Variants in EPS15L1 observed in about 807,000 individuals in gnomAD.
The protein encoded by EPS15L1 is epidermal growth factor receptor substrate 15-like 1.
Under a neutral mutation model 117.1 loss-of-function variants are expected in EPS15L1, and 43 were observed. That is an observed-to-expected ratio of 0.37 (90% CI 0.29 to 0.47). The LOEUF is 0.47. Ranked by LOEUF, EPS15L1 falls within the 20% of genes least tolerant of loss-of-function variation. The pLI is 0.99. For synonymous variants in EPS15L1, 459 were observed against 470.5 expected (o/e 0.98, Z 0.32); for missense variants, 981 against 1,164.0 (o/e 0.84, Z 2.29).
intron 22 of EPS15L1, among the ~76,000 whole-genome samples, chr19:16,367,445 T>G (rs1170911497): frequency 7.3e-6 from 1 of 137,094 alleles, no homozygotes; most frequent in Non-Finnish European, 1.5e-5. Context: ...CACACAGGAC[T>G]GACTTTAGCA....
intron 19 of EPS15L1, among the ~76,000 whole-genome samples, chr19:16,387,733 T>C (rs1315787741): frequency 6.6e-6 from 1 of 152,094 alleles, no homozygotes; most frequent in African/African-American, 2.4e-5. Context: ...GCCACTGCAC[T>C]CCAGCCTGGG....
At chr19:16,374,414 T>C (rs1010472955) in intron 22 of EPS15L1, among the ~76,000 whole-genome samples, 10 of 152,264 alleles carry the variant, frequency 6.6e-5, no homozygotes, top group Admixed American at 2.0e-4. Flanking sequence ...GGGTCTCAAA[T>C]TGTGCAACAG....
At chr19:16,444,762 T>C (rs1473999875) in intron 1 of EPS15L1, among the ~76,000 whole-genome samples, 1 of 151,548 alleles carries the variant, frequency 6.6e-6, no homozygotes, top group African/African-American at 2.4e-5. Flanking sequence ...GGTCTTGTTC[T>C]GTCACCCAAG....
intron 1 of EPS15L1, among the ~76,000 whole-genome samples, chr19:16,442,809 G>A (rs1297012445): frequency 6.6e-6 from 1 of 152,184 alleles, no homozygotes; most frequent in Non-Finnish European, 1.5e-5. Flanking sequence ...TCCTCAGCTT[G>A]GCACTGAAGA....
In EPS15L1 at chr19:16,471,686, C is replaced by T. The variant is rs2093347591; in HGVS notation, c.33+227G>A. Among the ~76,000 whole-genome samples the T allele has an allele frequency of 6.6e-6, 1 of 152,000 alleles. No homozygotes were observed. The highest frequency in any genetic ancestry group is 2.4e-5 in the African/African-American group (1 of 41,438). ...CCCTGGGCGGAGAGGACACGCGCTG[C>T]GCACCTCCTCGCCTCGCCGGTGCCC... On this transcript the variant is annotated intron_variant, in intron 1 of 23. Transcript: ENST00000455140. This position sits in a 1 kb window ranked among gnomAD's most constrained non-coding sequence, Gnocchi z 4.8.
chr19:16,433,411 C>T (rs534483953), intron 7 of EPS15L1, among the ~76,000 whole-genome samples: 3 of 152,092 alleles, frequency 2.0e-5, no homozygotes, highest in Non-Finnish European at 2.9e-5. Context: ...GGATTACGGG[C>T]GTGAGCCACC....
In EPS15L1 at chr19:16,381,270, G is replaced by A. The variant is rs553352191; in HGVS notation, c.2247+3859C>T. On this transcript the variant is annotated intron_variant, in intron 21 of 23. Coordinates refer to ENST00000455140, the MANE Select transcript of EPS15L1 (RefSeq NM_001258374.3). This position sits in a 1 kb window ranked among gnomAD's most constrained non-coding sequence, Gnocchi z 4.2. The stretch of plus-strand genomic sequence containing the variant: ...GGAAACTGAGGCACACAAAGGAGGC[G>A]CAGCCTGCCCACATCACACAGCAGG... 3.9e-4 allele frequency among the ~76,000 whole-genome samples: 59 copies of A among 152,350 alleles called. No homozygotes were observed. In the South Asian group the frequency reaches 3.9e-3, roughly 10 times the overall value.
At chr19:16,400,347 A>C (rs1190661680) in intron 16 of EPS15L1, among the ~76,000 whole-genome samples, 2 of 151,406 alleles carry the variant, frequency 1.3e-5, no homozygotes, top group African/African-American at 2.4e-5. Flanking sequence ...AAAAAAAAAA[A>C]AACAAAAACA....
intron 23 of EPS15L1, chr19:16,358,228 C>G (rs2092008041): frequency 6.5e-6 from 1 of 152,780 alleles, no homozygotes; most frequent in Non-Finnish European, 1.5e-5. Context: ...GTTCCTGGTG[C>G]CTTCAGAGTC....
intron 8 of EPS15L1, among the ~76,000 whole-genome samples, chr19:16,426,650 A>G (rs759560843): frequency 1.3e-5 from 2 of 152,236 alleles, no homozygotes; most frequent in East Asian, 1.9e-4. Context: ...AAAACAGAAC[A>G]ACGACAACAA....
chr19:16,416,375 C>T (rs970260036), intron 12 of EPS15L1, among the ~76,000 whole-genome samples: 2 of 152,116 alleles, frequency 1.3e-5, no homozygotes, highest in Admixed American at 6.5e-5. Flanking sequence ...GTGGCTCACG[C>T]CTGTAATCCC....
intron 23 of EPS15L1, among the ~76,000 whole-genome samples, chr19:16,359,863 A>C (rs553802344): frequency 6.6e-6 from 1 of 151,940 alleles, no homozygotes; most frequent in East Asian, 1.9e-4. Flanking sequence ...ACTCATCTCC[A>C]AATATGTAAA....
At chr19:16,402,234 C>A (rs971762392) in intron 16 of EPS15L1, 87 bp downstream of exon 16, 29 of 1,499,398 alleles carry the variant, frequency 1.9e-5, no homozygotes, top group Non-Finnish European at 2.6e-5. Context: ...CCAACGTTGG[C>A]CATGAACAGA....
chr19:16,466,844 A>G (rs1466124922), intron 1 of EPS15L1, among the ~76,000 whole-genome samples: 3 of 151,698 alleles, frequency 2.0e-5, no homozygotes, highest in African/African-American at 7.3e-5. Flanking sequence ...CAGAGGTTGC[A>G]GTGAGCCAAG....
chr19:16,400,646 G>A (rs1568418963), intron 16 of EPS15L1: 1 of 985,198 alleles, frequency 1.0e-6, no homozygotes, highest in Non-Finnish European at 1.2e-6. Flanking sequence ...TTTAAAAACT[G>A]TATTTGTACA....
intron 9 of EPS15L1, 30 bp downstream of exon 9, chr19:16,425,028 GAGAAACATCCTACTGTGCTCTGAGA>G: frequency 6.9e-7 from 1 of 1,445,466 alleles, no homozygotes; most frequent in Non-Finnish European, 9.7e-7. Context: ...AAGAACTCCC[GAGAAACATCCTACTGTGCTCTGAGA>G]GGGGGCTGTG....
chr19:16,383,152 T>C lies in EPS15L1; in HGVS notation c.2247+1977A>G, dbSNP rs917270402. On this transcript the variant is annotated intron_variant, in intron 21 of 23. Coordinates refer to ENST00000455140, the MANE Select transcript of EPS15L1 (RefSeq NM_001258374.3). This position sits in a 1 kb window ranked among gnomAD's most constrained non-coding sequence, Gnocchi z 5.2. ...ATGGAACGCTGGAATCAAAACAAGATAGTATTGGAGACCCATTTTCCACAG... is the reference window on the plus strand; with the variant it reads ...ATGGAACGCTGGAATCAAAACAAGACAGTATTGGAGACCCATTTTCCACAG... 2.0e-5 allele frequency: 3 copies of C among 152,008 alleles called. No individual in the cohort carries two copies. Among genetic ancestry groups the C allele is most frequent in the African/African-American group, 4.8e-5 (2 of 41,356 alleles). 9.4% of individuals were successfully genotyped at this position (152,008 alleles called of 1,614,324 possible).
At chr19:16,460,143 T>C (rs561799932) in intron 1 of EPS15L1, among the ~76,000 whole-genome samples, 1 of 152,064 alleles carries the variant, frequency 6.6e-6, no homozygotes, top group South Asian at 2.1e-4. Context: ...TAGCTGGGCG[T>C]GGTGGTGTGC....
At chr19:16,402,585 A>C in intron 15 of EPS15L1, 100 bp from the exon 16 acceptor site, 1 of 1,175,574 alleles carries the variant, frequency 8.5e-7, no homozygotes, top group Non-Finnish European at 1.2e-6. Context: ...TCTGTCACCC[A>C]GACTGGAATG....
Sources: allele counts gnomAD v4.1 joint callset (sites outside exome capture counted in the v4.1 genomes callset), GRCh38; gene constraint gnomAD v4.1.1; non-coding constraint Gnocchi (gnomAD v3.1); transcripts MANE v1.5; gene names NCBI Gene and HGNC (gene_info 2026-07-23, HGNC 2026-07-21).